Variants in PPP1R3A observed in about 807,000 individuals in gnomAD.
PPP1R3A encodes the protein protein phosphatase 1 regulatory subunit 3A.
Under a neutral mutation model 41.7 loss-of-function variants are expected in PPP1R3A, and 29 were observed. That is an observed-to-expected ratio of 0.70 (90% confidence interval 0.52 to 0.95). The LOEUF (loss-of-function observed/expected upper bound fraction) is 0.95, where lower values mean the gene tolerates loss of function less well. Ranked by LOEUF, PPP1R3A falls within the 40% of genes least tolerant of loss-of-function variation. The probability of loss-of-function intolerance (pLI) is 0.00; values close to 1 mark genes in which losing one functional copy is unlikely to be tolerated. For missense variants in PPP1R3A, 1,352 were observed against 1,292.4 expected, an observed-to-expected ratio of 1.05 and a Z score of -0.71; for synonymous variants, 485 against 453.4, an observed-to-expected ratio of 1.07 and a Z score of -0.89.
At chr7:113,914,037 A>C (rs1273099931) in intron 1 of PPP1R3A, among the ~76,000 whole-genome samples, 1 of 152,144 alleles carries the variant, frequency 6.6e-6, no homozygotes, top group Non-Finnish European at 1.5e-5. Flanking sequence ...TAAGTTTTGG[A>C]GCCTGAAACA....
rs372606055 is a variant in PPP1R3A at position 113,880,052 on chromosome 7, A to G, written c.1040T>C (p.Val347Ala). 1.2e-5 allele frequency: 19 copies of G among 1,610,624 alleles called. No homozygotes were observed. In the African/African-American group the frequency reaches 2.4e-4, roughly 20 times the overall value. The change falls in exon 4 of 4, where the codon GTC becomes GCC. Residue 347 changes from valine (V) to alanine (A), a missense_variant. Physicochemically the swap from Val to Ala is moderately conservative, Grantham distance 64. Coordinates refer to ENST00000284601, the MANE Select transcript of PPP1R3A (RefSeq NM_002711.4). ...DERNTFSTDP[V>A]NFPNKAEGLE... is the part of the protein sequence containing the mutation. Reference sequence around the variant, plus strand: ...CCCCTCTGCTTTATTTGGAAAATTGACTGGATCTGTTGAAAATGTATTCCT... The same window carrying G: ...CCCCTCTGCTTTATTTGGAAAATTGGCTGGATCTGTTGAAAATGTATTCCT...
rs1056475720 is a variant in PPP1R3A, at chr7:113,879,663, TA to T, written c.1428del (p.Asn476LysfsTer4). On this transcript the variant is annotated frameshift_variant, in exon 4 of 4. Coordinates refer to ENST00000284601, the MANE Select transcript of PPP1R3A (RefSeq NM_002711.4). LOFTEE classifies it low-confidence loss of function (END_TRUNC). Reference protein sequence around the residue: ...LNKKHEGGAKNIEVKDLGCLR... With the variant: ...LNKKHEGGAKXIEVKDLGCLR... ...AAACATCCCAAATCTTTTACTTCAA[TA>T]TTTTTAGCTCCTCCTTCATGTTTTT... 3 of 1,613,026 alleles carry T rather than the reference TA, an allele frequency of 1.9e-6. No individual in the cohort carries two copies. The highest frequency in any genetic ancestry group is 2.7e-5 in the African/African-American group (2 of 74,838).
At chr7:113,883,473 T>A (rs1796728835) in intron 1 of PPP1R3A, among the ~76,000 whole-genome samples, 1 of 152,036 alleles carries the variant, frequency 6.6e-6, no homozygotes, top group African/African-American at 2.4e-5. Flanking sequence ...TTATGATTCA[T>A]AATTTTAACT....
Position 113,878,961 on chromosome 7 carries a change from A to C in PPP1R3A, c.2131T>G (p.Cys711Gly). Residue 711 changes from cysteine (C) to glycine (G), a missense_variant, in exon 4 of 4, where the codon TGT becomes GGT. Physicochemically the swap from Cys to Gly is radical, Grantham distance 159. Transcript: ENST00000284601. ...ELFTCQETVCCELSSLADHGI... is the reference protein window; with the variant it reads ...ELFTCQETVCGELSSLADHGI... ...TGATCAGCTAGAGAAGACAGTTCACAGCACACTGTTTCTTGGCAGGTAAAC... is the reference window on the plus strand; with the variant it reads ...TGATCAGCTAGAGAAGACAGTTCACCGCACACTGTTTCTTGGCAGGTAAAC... The C allele has an allele frequency of 6.2e-7, 1 of 1,613,434 alleles. No homozygotes were observed. The highest frequency in any genetic ancestry group is 1.3e-5 in the African/African-American group (1 of 75,006).
rs202053795 is a variant in PPP1R3A at position 113,882,178 on chromosome 7, T to C, written c.842-15A>G. 3.2e-5 allele frequency: 51 copies of C among 1,609,372 alleles called. No individual in the cohort carries two copies. The East Asian group carries it at 1.0e-3, about 32-fold the overall frequency. ...GATATAGGTATCTGAAAAGTTAATATAATTGTGCCTATGTAAGATTGTTTT... is the reference window on the plus strand; with the variant it reads ...GATATAGGTATCTGAAAAGTTAATACAATTGTGCCTATGTAAGATTGTTTT... On this transcript the variant is annotated splice_polypyrimidine_tract_variant and intron_variant, in intron 2 of 3. Transcript: ENST00000284601.
rs1797383265 is a variant in PPP1R3A, at chr7:113,918,671, A to G, written c.326T>C (p.Leu109Pro). 1 of 1,613,602 alleles carries G rather than the reference A, an allele frequency of 6.2e-7. No homozygotes were observed. The highest frequency in any genetic ancestry group is 1.1e-5 in the South Asian group (1 of 91,082). Residue 109 changes from leucine (L) to proline (P), a missense_variant, in exon 1 of 4, where the codon CTG becomes CCG. Coordinates refer to ENST00000284601, the MANE Select transcript of PPP1R3A (RefSeq NM_002711.4). Reference protein sequence around the residue: ...FHTEEYVLAPLFDLPSSKEDL... With the variant: ...FHTEEYVLAPPFDLPSSKEDL... ...TTCTTTTGAAGAAGGCAAGTCAAAC[A>G]GTGGGGCTAAAACATATTCTTCTGT...
rs369378870 is a variant in PPP1R3A at position 113,905,546 on chromosome 7, T to C, written c.782+12669A>G. Among the ~76,000 whole-genome samples the C allele has an allele frequency of 1.4e-4, 21 of 151,980 alleles. No homozygotes were observed. The South Asian group carries it at 3.9e-3, about 28-fold the overall frequency. ...ACTTTTCTATAAATCTAAAATTTTA[T>C]CAAAAACCATTTTAAAATACCTTTT... On this transcript the variant is annotated intron_variant, in intron 1 of 3. Coordinates refer to ENST00000284601, the MANE Select transcript of PPP1R3A (RefSeq NM_002711.4).
chr7:113,888,730 T>C (rs757696609), intron 1 of PPP1R3A, among the ~76,000 whole-genome samples: 49 of 152,314 alleles, frequency 3.2e-4, no homozygotes, highest in South Asian at 6.2e-4. Context: ...AAGTTATTTC[T>C]AGGTTTCTGA....
intron 1 of PPP1R3A, among the ~76,000 whole-genome samples, chr7:113,899,389 C>T (rs939149852): frequency 6.6e-6 from 1 of 151,722 alleles, no homozygotes; most frequent in South Asian, 2.1e-4. Context: ...TTCCTTTTGT[C>T]CCAAGTCATC....
At chr7:113,894,483 G>T (rs1316080039) in intron 1 of PPP1R3A, among the ~76,000 whole-genome samples, 1 of 151,924 alleles carries the variant, frequency 6.6e-6, no homozygotes, top group Non-Finnish European at 1.5e-5. Context: ...TAGCAAGAAA[G>T]TAGTGATTGT....
chr7:113,918,446 T>A lies in PPP1R3A; in HGVS notation c.551A>T (p.Glu184Val). The change falls in exon 1 of 4, where the codon GAA (glutamate) becomes GTA (valine). Residue 184 changes from glutamate (E) to valine (V), a missense_variant. Glu to Val is a moderately radical substitution (Grantham distance 121). Coordinates refer to ENST00000284601, the MANE Select transcript of PPP1R3A (RefSeq NM_002711.4). ...AEYVPNSCDG[E>V]TDQFSFKIVL... Reference sequence around the variant, plus strand: ...AATCTTAAAGGAGAACTGGTCAGTTTCACCATCACATGAATTAGGAACATA... The same window carrying A: ...AATCTTAAAGGAGAACTGGTCAGTTACACCATCACATGAATTAGGAACATA... 8 of 1,613,410 alleles carry A rather than the reference T, an allele frequency of 5.0e-6. No homozygotes were observed. The highest frequency in any genetic ancestry group is 6.8e-6 in the Non-Finnish European group (8 of 1,179,692).
At position 113,878,150 on chromosome 7, in the gene PPP1R3A, C is replaced by G; in HGVS notation, c.2942G>C (p.Gly981Ala). Residue 981 changes from glycine to alanine, a missense_variant, in exon 4 of 4, where the codon GGA becomes GCA. Gly to Ala is a moderately conservative substitution (Grantham distance 60). Transcript: ENST00000284601. ...TTTTCTACTACCTGATGTCACTATTCCTGAACTTCTGGAAACTTCTTCAGG... is the reference window on the plus strand; with the variant it reads ...TTTTCTACTACCTGATGTCACTATTGCTGAACTTCTGGAAACTTCTTCAGG... The part of the protein sequence containing the change: ...SKPEEVSRSS[G>A]IVTSGSRKER... The G allele has an allele frequency of 6.2e-7, 1 of 1,613,288 alleles. No homozygotes were observed. The highest frequency in any genetic ancestry group is 1.1e-5 in the South Asian group (1 of 91,070).
At chr7:113,909,895 A>G (rs1002671758) in intron 1 of PPP1R3A, among the ~76,000 whole-genome samples, 1 of 152,074 alleles carries the variant, frequency 6.6e-6, no homozygotes, top group Admixed American at 6.6e-5. Context: ...AATCTTCCCA[A>G]GAGATATGTA....
intron 3 of PPP1R3A, among the ~76,000 whole-genome samples, chr7:113,881,296 T>C (rs924325668): frequency 6.6e-6 from 1 of 152,006 alleles, no homozygotes; most frequent in African/African-American, 2.4e-5. Context: ...GTCATTTTAA[T>C]CTTAGATGAT....
At position 113,878,244 on chromosome 7, in the gene PPP1R3A, A is replaced by G; in HGVS notation, c.2848T>C (p.Ser950Pro). 2 of 1,613,150 alleles carry G rather than the reference A, an allele frequency of 1.2e-6. No individual in the cohort carries two copies. Among genetic ancestry groups the G allele is most frequent in the Non-Finnish European group, 1.7e-6 (2 of 1,179,580 alleles). The change falls in exon 4 of 4, where the codon TCA (serine) becomes CCA (proline). Residue 950 changes from serine to proline, a missense_variant. Ser to Pro is a moderately conservative substitution (Grantham distance 74). Transcript: ENST00000284601. ...CTTGTTGAATTACAAATATTTTCTG[A>G]TTTCGTAGAAATAGGTTGGCTAGCC... ...TMASQPISTK[S>P]ENICNSTREI...
chr7:113,881,461 C>A (rs759915534), intron 3 of PPP1R3A, among the ~76,000 whole-genome samples: 7 of 151,948 alleles, frequency 4.6e-5, no homozygotes, highest in Non-Finnish European at 8.8e-5. Flanking sequence ...GAATGCTCAC[C>A]AAGTATGAAA....
At position 113,877,623 on chromosome 7, in the gene PPP1R3A, A is replaced by G. The variant is rs1444789464; in HGVS notation, c.*100T>C. ...CTTTTTAAATGATCCTTCAAGAGAA[A>G]AACTGCACTGGATCTTTGAACAATG... is the stretch of plus-strand genomic sequence containing the variant. On this transcript the variant is annotated 3_prime_UTR_variant, in exon 4 of 4. Transcript: ENST00000284601. The G allele has an allele frequency of 7.3e-7, 1 of 1,376,504 alleles. No homozygotes were observed. Among genetic ancestry groups the G allele is most frequent in the African/African-American group, 1.5e-5 (1 of 68,662 alleles). The allele number at this position is 1,376,504 out of a possible 1,614,324, so 85.3% of individuals were successfully genotyped here.
At chr7:113,894,691 A>G (rs1426003517) in intron 1 of PPP1R3A, among the ~76,000 whole-genome samples, 1 of 151,812 alleles carries the variant, frequency 6.6e-6, no homozygotes, top group Non-Finnish European at 1.5e-5. Flanking sequence ...ATTTTTTGTG[A>G]TTGTATAAAA....
At chr7:113,905,531 A>G (rs1444277421) in intron 1 of PPP1R3A, among the ~76,000 whole-genome samples, 2 of 151,824 alleles carry the variant, frequency 1.3e-5, no homozygotes, top group Non-Finnish European at 2.9e-5. Context: ...ACTTTTCTAT[A>G]AATCTAAAAT....
Sources: gnomAD v4.1 joint callset for allele counts (sites outside exome capture counted in the v4.1 genomes callset) on GRCh38, gnomAD v4.1.1 for gene constraint, MANE v1.5 for transcripts, NCBI Gene and HGNC (gene_info 2026-07-23, HGNC 2026-07-21) for gene names.